The following SLC35F4 variants were observed in gnomAD, a reference collection of about 807,000 sequenced individuals.
SLC35F4 encodes the protein chromosome 14 open reading frame 36.
Under a neutral mutation model 44.2 loss-of-function variants are expected in SLC35F4, and 24 were observed. The ratio of observed to expected loss-of-function variants is 0.54; its 90% CI spans 0.39 to 0.76. The LOEUF (loss-of-function observed/expected upper bound fraction) is 0.76. Ranked by LOEUF, SLC35F4 falls within the 30% of genes least tolerant of loss-of-function variation. The pLI, the probability that SLC35F4 is intolerant of heterozygous loss-of-function variation, is 0.00. For missense variants in SLC35F4, 562 were observed against 586.1 expected (o/e 0.96, Z 0.42); for synonymous variants, 238 against 223.6 (o/e 1.06, Z -0.57).
intron 1 of SLC35F4, among the ~76,000 whole-genome samples, chr14:57,962,882 T>G (rs533354192): frequency 6.6e-6 from 1 of 152,340 alleles, no homozygotes; most frequent in East Asian, 1.9e-4. Context: ...AAACATTTAA[T>G]GCACGTCAAT....
chr14:57,593,919 AGAG>A lies in SLC35F4; in HGVS notation c.289+17_289+19del. On this transcript the variant is annotated intron_variant, in intron 2 of 7. Coordinates refer to ENST00000556826, the MANE Select transcript of SLC35F4 (RefSeq NM_001306087.2). ...GCTTACTAGGATGTACCGTTATTTA[AGAG>A]GAGGTCACCCACATACCTGATCTGT... 2 of 1,611,592 alleles carry A rather than the reference AGAG, an allele frequency of 1.2e-6. No individual in the cohort carries two copies. Among genetic ancestry groups the A allele is most frequent in the Non-Finnish European group, 1.7e-6 (2 of 1,178,906 alleles).
chr14:57,713,925 C>G (rs2075873006), intron 1 of SLC35F4, among the ~76,000 whole-genome samples: 1 of 152,154 alleles, frequency 6.6e-6, no homozygotes, highest in Admixed American at 6.5e-5. Context: ...CCCCATGGGT[C>G]AGCTTCTTTC....
chr14:57,710,799 G>T (rs2075800223), intron 1 of SLC35F4, among the ~76,000 whole-genome samples: 1 of 151,970 alleles, frequency 6.6e-6, no homozygotes, highest in Non-Finnish European at 1.5e-5. Flanking sequence ...GCTTGGAATG[G>T]GGATATTTAA....
At chr14:57,745,428 T>G (rs1231182392) in intron 1 of SLC35F4, among the ~76,000 whole-genome samples, 1 of 152,130 alleles carries the variant, frequency 6.6e-6, no homozygotes, top group Non-Finnish European at 1.5e-5. Context: ...ACAAAGGATG[T>G]GAACAGACAC....
chr14:57,897,311 C>T (rs1444212323), intron 1 of SLC35F4, among the ~76,000 whole-genome samples: 1 of 151,948 alleles, frequency 6.6e-6, no homozygotes, highest in East Asian at 1.9e-4. Flanking sequence ...TCTGCCAGGC[C>T]TGCAATTCTA....
At position 57,849,382 on chromosome 14, in the gene SLC35F4, G is replaced by A. The variant is rs537948537; in HGVS notation, c.103+16341C>T. On this transcript the variant is annotated intron_variant, in intron 1 of 7. Coordinates refer to ENST00000556826, the MANE Select transcript of SLC35F4 (RefSeq NM_001306087.2). Reference sequence around the variant, plus strand: ...TCGCCATGTTGGCCAGGCTGGTCTCGTACTCTCGACCTCAGGTGATCCACC... The same window carrying A: ...TCGCCATGTTGGCCAGGCTGGTCTCATACTCTCGACCTCAGGTGATCCACC... Among the ~76,000 whole-genome samples the A allele has an allele frequency of 3.3e-5, 5 of 152,144 alleles. No homozygotes were observed. The East Asian group carries it at 5.8e-4, about 18-fold the overall frequency.
intron 1 of SLC35F4, among the ~76,000 whole-genome samples, chr14:57,611,199 A>G (rs2071474778): frequency 6.7e-6 from 1 of 149,788 alleles, no homozygotes; most frequent in Non-Finnish European, 1.5e-5. Flanking sequence ...TAGTGTAGAT[A>G]GAGTGCAGTA....
At chr14:57,884,935 T>C (rs183705306) in intron 1 of SLC35F4, among the ~76,000 whole-genome samples, 33 of 152,260 alleles carry the variant, frequency 2.2e-4, no homozygotes, top group Admixed American at 6.5e-5. Flanking sequence ...TCATAAACAG[T>C]AGGCATATCA....
intron 1 of SLC35F4, among the ~76,000 whole-genome samples, chr14:57,885,262 C>T (rs1888621985): frequency 6.6e-6 from 1 of 152,120 alleles, no homozygotes; most frequent in African/African-American, 2.4e-5. Flanking sequence ...CCTACTGTAC[C>T]TTTGAATGCA....
chr14:57,673,377 G>A (rs2074584326), intron 1 of SLC35F4, among the ~76,000 whole-genome samples: 1 of 152,106 alleles, frequency 6.6e-6, no homozygotes, highest in South Asian at 2.1e-4. Flanking sequence ...CCAGCACTGT[G>A]GAGCTGTGTG....
At chr14:57,703,356 T>C (rs1182012071) in intron 1 of SLC35F4, among the ~76,000 whole-genome samples, 2 of 152,206 alleles carry the variant, frequency 1.3e-5, no homozygotes, top group South Asian at 4.1e-4. Flanking sequence ...AATGACAATT[T>C]GCAAGTTTGC....
At chr14:57,787,338 T>C (rs146097092) in intron 1 of SLC35F4, among the ~76,000 whole-genome samples, 1,819 of 152,274 alleles carry the variant, frequency 0.012, 33 homozygotes, top group African/African-American at 0.042. Context: ...GAAAACATAT[T>C]TGGGGGAATA....
intron 1 of SLC35F4, among the ~76,000 whole-genome samples, chr14:57,639,288 T>A (rs922635612): frequency 6.6e-6 from 1 of 152,120 alleles, no homozygotes; most frequent in African/African-American, 2.4e-5. Context: ...GCCTCATTAA[T>A]GACACAAGAT....
chr14:57,956,271 C>A (rs917178994), intron 1 of SLC35F4, among the ~76,000 whole-genome samples: 24 of 152,158 alleles, frequency 1.6e-4, no homozygotes, highest in African/African-American at 5.5e-4. Context: ...CTTCCTTACA[C>A]CTTATACAAA....
At chr14:57,651,503 C>T (rs567229344) in intron 1 of SLC35F4, among the ~76,000 whole-genome samples, 12 of 152,142 alleles carry the variant, frequency 7.9e-5, no homozygotes, top group East Asian at 1.9e-4. Context: ...GTACAGCAGC[C>T]GTCACAGATA....
intron 1 of SLC35F4, among the ~76,000 whole-genome samples, chr14:57,690,799 C>T (rs564862746): frequency 1.3e-5 from 2 of 151,948 alleles, no homozygotes; most frequent in Admixed American, 6.6e-5. Flanking sequence ...GTTCACAATA[C>T]GGTTCATGCT....
chr14:57,841,579 C>G (rs1160961111), intron 1 of SLC35F4, among the ~76,000 whole-genome samples: 1 of 152,114 alleles, frequency 6.6e-6, no homozygotes, highest in Non-Finnish European at 1.5e-5. Context: ...TAACAGGGTA[C>G]TGAATCTGGT....
At chr14:57,945,756 T>C (rs962833459) in intron 1 of SLC35F4, among the ~76,000 whole-genome samples, 10 of 152,146 alleles carry the variant, frequency 6.6e-5, no homozygotes, top group African/African-American at 2.4e-4. Context: ...AAAAGTGTTC[T>C]CTTTTCACCA....
chr14:57,843,671 A>G (rs1413899909), intron 1 of SLC35F4, among the ~76,000 whole-genome samples: 2 of 152,162 alleles, frequency 1.3e-5, no homozygotes, highest in Non-Finnish European at 2.9e-5. Context: ...AGCATGGCTT[A>G]TCCCCATTTG....
Sources: gnomAD v4.1 joint callset for allele counts (sites outside exome capture counted in the v4.1 genomes callset) on GRCh38, gnomAD v4.1.1 for gene constraint, MANE v1.5 for transcripts, NCBI Gene and HGNC (gene_info 2026-07-23, HGNC 2026-07-21) for gene names.